Variants in NPAS2 observed in about 807,000 individuals in gnomAD.
NPAS2 encodes the protein neuronal PAS domain protein 2, also known as neuronal PAS domain-containing protein 2.
Under a neutral mutation model 107.5 loss-of-function variants are expected in NPAS2, and 23 were observed. The ratio of observed to expected loss-of-function variants is 0.21; its 90% CI spans 0.15 to 0.30. The LOEUF is 0.30. Ranked by LOEUF, NPAS2 falls within the 10% of genes least tolerant of loss-of-function variation. The pLI, the probability that NPAS2 is intolerant of heterozygous loss-of-function variation, is 1.00. For missense variants in NPAS2, 756 were observed against 1,043.3 expected, an observed-to-expected ratio of 0.72 and a Z score of 3.79; for synonymous variants, 403 against 417.5, an observed-to-expected ratio of 0.97 and a Z score of 0.42.
intron 14 of NPAS2, among the ~76,000 whole-genome samples, 189 bp from the exon 15 acceptor site, chr2:100,977,521 G>T (rs567826865): frequency 5.9e-5 from 9 of 152,296 alleles, no homozygotes; most frequent in Admixed American, 1.3e-4. Flanking sequence ...GTTGTGCAGG[G>T]GCTCTGCCCT....
At chr2:100,975,647 TC>T (rs1676938448) in intron 14 of NPAS2, 80 bp downstream of exon 14, 2 of 1,035,174 alleles carry the variant, frequency 1.9e-6, no homozygotes, top group Admixed American at 5.0e-5. Context: ...ATGTGCTGCG[TC>T]TCCCCAGAGA....
At chr2:100,966,421 G>A (rs371237673) in intron 10 of NPAS2, among the ~76,000 whole-genome samples, 5 of 152,064 alleles carry the variant, frequency 3.3e-5, no homozygotes, top group African/African-American at 9.7e-5. Flanking sequence ...AAGCTTGTCC[G>A]AGTTCTCACT....
At chr2:100,916,457 A>G (rs71413894) in intron 2 of NPAS2, among the ~76,000 whole-genome samples, 5 of 152,224 alleles carry the variant, frequency 3.3e-5, no homozygotes, top group African/African-American at 4.8e-5. Flanking sequence ...AAATGGTTCT[A>G]TTAATATCAA....
intron 1 of NPAS2, among the ~76,000 whole-genome samples, chr2:100,864,498 G>A (rs1327337550): frequency 6.6e-6 from 1 of 152,142 alleles, no homozygotes; most frequent in Non-Finnish European, 1.5e-5. Flanking sequence ...AAAAGTCCAC[G>A]AGAACCTTAC....
chr2:100,838,017 T>C (rs1223551401), intron 1 of NPAS2, among the ~76,000 whole-genome samples: 2 of 152,202 alleles, frequency 1.3e-5, no homozygotes, highest in Non-Finnish European at 2.9e-5. Flanking sequence ...GGTCACCATC[T>C]GCCTTTCCAC....
chr2:100,885,127 T>G (rs1680615084), intron 1 of NPAS2, among the ~76,000 whole-genome samples: 1 of 152,042 alleles, frequency 6.6e-6, no homozygotes. Context: ...TTTTTTTGTA[T>G]TTTTAGTAGA....
chr2:100,969,608 A>G (rs544553785), intron 11 of NPAS2, among the ~76,000 whole-genome samples: 1 of 152,298 alleles, frequency 6.6e-6, no homozygotes, highest in Admixed American at 6.5e-5. Flanking sequence ...CATTTCTTAT[A>G]TACAGCCACT....
In NPAS2 at chr2:100,988,233, C is replaced by G; in HGVS notation, c.1784C>G (p.Thr595Arg). 6.2e-7 allele frequency: 1 copy of G among 1,614,078 alleles called. No individual in the cohort carries two copies. Among genetic ancestry groups the G allele is most frequent in the Non-Finnish European group, 8.5e-7 (1 of 1,180,042 alleles). ...LPGQISSAQV[T>R]SQHLLRESSV... ...GGGCAGATCTCCTCTGCCCAGGTCA[C>G]AAGCCAGCACCTGCTCAGAGAATCA... The change falls in exon 17 of 21, where the codon ACA (threonine) becomes AGA (arginine). Residue 595 changes from threonine (T) to arginine (R), a missense_variant. Thr to Arg is a moderately conservative substitution (Grantham distance 71). Coordinates refer to ENST00000335681, the MANE Select transcript of NPAS2 (RefSeq NM_002518.4).
chr2:100,973,431 A>G (rs903410323), intron 12 of NPAS2, among the ~76,000 whole-genome samples: 6 of 152,218 alleles, frequency 3.9e-5, no homozygotes, highest in Non-Finnish European at 8.8e-5. Flanking sequence ...CTAGGAACAC[A>G]TAATTCACAA....
In NPAS2 at chr2:100,965,618, G is replaced by T. The variant is rs1212860135; in HGVS notation, c.801-42G>T. On this transcript the variant is annotated intron_variant, in intron 9 of 20. Transcript: ENST00000335681. This position sits in a 1 kb window ranked among gnomAD's most constrained non-coding sequence, Gnocchi z 4.3. ...TGGCCACCAGGGTGAGCCCTGCAGG[G>T]TGTCTCCTCCCTGATGACAAGTCCT... 3.7e-6 allele frequency: 5 copies of T among 1,356,098 alleles called. No individual in the cohort carries two copies. Among genetic ancestry groups the T allele is most frequent in the Non-Finnish European group, 5.3e-6 (5 of 948,668 alleles). 84.0% of individuals were successfully genotyped at this position (1,356,098 alleles called of 1,614,324 possible). A position where few individuals can be genotyped will look rare whatever the true frequency, so the allele number is the denominator to read the frequency against.
chr2:100,965,335 C>T lies in NPAS2; in HGVS notation c.801-325C>T, dbSNP rs1252884603. 6.6e-6 allele frequency among the ~76,000 whole-genome samples: 1 copy of T among 152,126 alleles called. No individual in the cohort carries two copies. Among genetic ancestry groups the T allele is most frequent in the African/African-American group, 2.4e-5 (1 of 41,414 alleles). On this transcript the variant is annotated intron_variant, in intron 9 of 20. Coordinates refer to ENST00000335681, the MANE Select transcript of NPAS2 (RefSeq NM_002518.4). This position sits in a 1 kb window ranked among gnomAD's most constrained non-coding sequence, Gnocchi z 4.3. ...TTGCAGTTGAAGAACTCCAAATCTC[C>T]CCTCCCCACCCTTTAATTTATATTA... is the stretch of plus-strand genomic sequence containing the variant.
intron 1 of NPAS2, among the ~76,000 whole-genome samples, chr2:100,884,114 G>T (rs1680556138): frequency 6.6e-6 from 1 of 152,180 alleles, no homozygotes; most frequent in South Asian, 2.1e-4. Flanking sequence ...GGATTATGGG[G>T]TTTTCTAAAC....
At chr2:100,917,519 A>G (rs571291300) in intron 2 of NPAS2, among the ~76,000 whole-genome samples, 1 of 152,218 alleles carries the variant, frequency 6.6e-6, no homozygotes, top group African/African-American at 2.4e-5. Context: ...CAAGAGCGAA[A>G]CTCCATCTAA....
At chr2:100,951,435 C>T (rs540203053) in intron 7 of NPAS2, among the ~76,000 whole-genome samples, 41 of 152,260 alleles carry the variant, frequency 2.7e-4, no homozygotes, top group African/African-American at 8.9e-4. Context: ...AAGCAACCCA[C>T]GTGTCCATCA....
intron 1 of NPAS2, among the ~76,000 whole-genome samples, chr2:100,889,812 C>G (rs375971559): frequency 6.6e-6 from 1 of 152,176 alleles, no homozygotes; most frequent in African/African-American, 2.4e-5. Flanking sequence ...GGTGACCTAG[C>G]AGATACATCT....
chr2:100,826,415 C>G (rs1348886889), intron 1 of NPAS2, among the ~76,000 whole-genome samples: 1 of 152,154 alleles, frequency 6.6e-6, no homozygotes, highest in Non-Finnish European at 1.5e-5. Flanking sequence ...GCACTCCAGC[C>G]TGGCAACAGA....
In NPAS2 at chr2:100,925,250, C is replaced by G; in HGVS notation, c.137C>G (p.Thr46Ser). Residue 46 changes from threonine (T) to serine (S), a missense_variant, in exon 3 of 21, where the codon ACC (threonine) becomes AGC (serine). This residue lies in a region of NPAS2 where 146 missense variants were observed against 249.6 expected (regional missense o/e 0.58). Transcript: ENST00000335681. The stretch of plus-strand genomic sequence containing the variant: ...GGCAACACGCGGAAAATGGACAAAA[C>G]CACCGTGTTGGAAAAGGTCATCGGA... ...LPGNTRKMDK[T>S]TVLEKVIGFL... 1 of 1,614,106 alleles carries G rather than the reference C, an allele frequency of 6.2e-7. No individual in the cohort carries two copies. The highest frequency in any genetic ancestry group is 8.5e-7 in the Non-Finnish European group (1 of 1,180,012).
At chr2:100,958,418 G>A (rs1172138924) in intron 7 of NPAS2, among the ~76,000 whole-genome samples, 1 of 152,192 alleles carries the variant, frequency 6.6e-6, no homozygotes, top group African/African-American at 2.4e-5. Flanking sequence ...ATGGAGACGC[G>A]AGTGTGGACG....
chr2:100,949,461 T>G lies in NPAS2; in HGVS notation c.579T>G (p.Asn193Lys), dbSNP rs775639109. The change falls in exon 7 of 21, where the codon AAT becomes AAG. Residue 193 changes from asparagine to lysine, a missense_variant. Coordinates refer to ENST00000335681, the MANE Select transcript of NPAS2 (RefSeq NM_002518.4). ...ATGAATACATAAAATTTGTAGGAAA[T>G]TTTCGCTCTTACAACAATGGTAAGC... Reference protein sequence around the residue: ...PTYEYIKFVGNFRSYNNVPSP... With the variant: ...PTYEYIKFVGKFRSYNNVPSP... 1.9e-6 allele frequency: 3 copies of G among 1,600,038 alleles called. No individual in the cohort carries two copies. The African/African-American group carries it at 4.0e-5, about 21-fold the overall frequency.
Sources: gnomAD v4.1 joint callset for allele counts (sites outside exome capture counted in the v4.1 genomes callset) on GRCh38, gnomAD v4.1.1 for gene constraint, gnomAD v4.1.1 regional missense constraint, Gnocchi (gnomAD v3.1) non-coding constraint, MANE v1.5 for transcripts, NCBI Gene and HGNC (gene_info 2026-07-23, HGNC 2026-07-21) for gene names.